Variants in WWTR1 observed in about 807,000 individuals in gnomAD.
WWTR1 encodes the protein WW domain containing transcription regulator 1.
In WWTR1, 13 loss-of-function variants were observed where a neutral mutation model predicts 40.1. The ratio of observed to expected loss-of-function variants is 0.32; its 90% CI spans 0.21 to 0.52. WWTR1 has a LOEUF of 0.52. Among genes scored for constraint, WWTR1 ranks in the 20% least tolerant of loss-of-function variants. WWTR1 has a pLI of 0.97. For synonymous variants in WWTR1, 230 were observed against 210.1 expected, an observed-to-expected ratio of 1.09 and a Z score of -0.82; for missense variants, 436 against 523.1, an observed-to-expected ratio of 0.83 and a Z score of 1.63.
At chr3:149,542,792 A>G (rs1344262192) in intron 3 of WWTR1, among the ~76,000 whole-genome samples, 1 of 152,146 alleles carries the variant, frequency 6.6e-6, no homozygotes, top group East Asian at 1.9e-4. Flanking sequence ...CTCCCTGTCT[A>G]GAGTACATTT....
chr3:149,609,915 T>A (rs945854149), intron 2 of WWTR1, among the ~76,000 whole-genome samples: 6 of 152,218 alleles, frequency 3.9e-5, no homozygotes, highest in African/African-American at 1.4e-4. Context: ...CTCCTCTGCC[T>A]CACGTCCAGT....
intron 2 of WWTR1, among the ~76,000 whole-genome samples, chr3:149,596,274 T>C (rs1349068180): frequency 6.6e-6 from 1 of 152,204 alleles, no homozygotes; most frequent in Non-Finnish European, 1.5e-5. Flanking sequence ...AGACAAGCCA[T>C]CATATTCCTG....
chr3:149,626,510 TAA>T lies in WWTR1; in HGVS notation c.431+30364_431+30365del, dbSNP rs201199010. On this transcript the variant is annotated intron_variant, in intron 2 of 6. Transcript: ENST00000360632. ...AAGTATATACATATTCTATAGTATG[TAA>T]AAAAAAAAAAAATGGCCAGAACTGA... Among the ~76,000 whole-genome samples, 89 of 140,854 alleles carry T rather than the reference TAA, an allele frequency of 6.3e-4. 1 individual carries two copies. Among genetic ancestry groups the T allele is most frequent in the African/African-American group, 1.9e-3 (74 of 38,494 alleles). 92.4% of individuals were successfully genotyped at this position (140,854 alleles called of 152,430 possible). A position where few individuals can be genotyped will look rare whatever the true frequency, so the allele number is the denominator to read the frequency against.
intron 3 of WWTR1, among the ~76,000 whole-genome samples, chr3:149,556,340 G>C (rs1736823031): frequency 6.6e-6 from 1 of 152,202 alleles, no homozygotes; most frequent in Non-Finnish European, 1.5e-5. Flanking sequence ...CAGCACTTTG[G>C]GAGGCCGAGG....
In WWTR1 at chr3:149,520,874, G is replaced by T; in HGVS notation, c.1134C>A (p.Asp378Glu). 6.2e-7 allele frequency: 1 copy of T among 1,613,616 alleles called. No individual in the cohort carries two copies. The highest frequency in any genetic ancestry group is 8.5e-7 in the Non-Finnish European group (1 of 1,179,834). ...NVDLGTLESE[D>E]LIPLFNDVES... Reference sequence around the variant, plus strand: ...CTACATCATTGAAGAGGGGGATCAGGTCTTCAGATTCCAAAGTTCCTAAGT... The same window carrying T: ...CTACATCATTGAAGAGGGGGATCAGTTCTTCAGATTCCAAAGTTCCTAAGT... Residue 378 changes from aspartate (D) to glutamate (E), a missense_variant, in exon 7 of 7, where the codon GAC becomes GAA. Coordinates refer to ENST00000360632, the MANE Select transcript of WWTR1 (RefSeq NM_015472.6).
chr3:149,607,347 C>T (rs1164930968), intron 2 of WWTR1, among the ~76,000 whole-genome samples: 1 of 152,172 alleles, frequency 6.6e-6, no homozygotes, highest in Admixed American at 6.5e-5. Flanking sequence ...CAGAGTTTCA[C>T]TCTGTTGCCC....
chr3:149,547,114 A>C (rs1444461820), intron 3 of WWTR1, among the ~76,000 whole-genome samples: 2 of 152,108 alleles, frequency 1.3e-5, no homozygotes. Flanking sequence ...GAAAAAGAGA[A>C]ACAAAGTCCT....
intron 4 of WWTR1, among the ~76,000 whole-genome samples, chr3:149,537,036 T>C (rs936724727): frequency 6.6e-6 from 1 of 152,226 alleles, no homozygotes; most frequent in African/African-American, 2.4e-5. Flanking sequence ...TTCTTTTAGA[T>C]AAACAGGCAT....
intron 1 of WWTR1, among the ~76,000 whole-genome samples, chr3:149,684,650 A>G (rs543143800): frequency 1.4e-4 from 21 of 151,838 alleles, no homozygotes; most frequent in African/African-American, 5.1e-4. Context: ...TGCAGGCCCA[A>G]CCTCCTGGGG....
intron 2 of WWTR1, among the ~76,000 whole-genome samples, chr3:149,602,451 A>G (rs1198163873): frequency 1.3e-5 from 2 of 152,200 alleles, no homozygotes; most frequent in Non-Finnish European, 2.9e-5. Context: ...CAACCCTGAA[A>G]TTCCAGCAGT....
intron 1 of WWTR1, among the ~76,000 whole-genome samples, chr3:149,673,765 C>T (rs1242314227): frequency 6.6e-6 from 1 of 152,082 alleles, no homozygotes; most frequent in Non-Finnish European, 1.5e-5. Context: ...TTGACAATAA[C>T]CAGAGAGGCC....
intron 2 of WWTR1, among the ~76,000 whole-genome samples, chr3:149,645,076 T>C (rs560060511): frequency 2.7e-5 from 4 of 148,054 alleles, no homozygotes; most frequent in Admixed American, 2.7e-4. Flanking sequence ...TGCTCTTTTA[T>C]TTTATTTATT....
chr3:149,522,629 G>A (rs990246160), intron 6 of WWTR1, among the ~76,000 whole-genome samples: 1 of 152,010 alleles, frequency 6.6e-6, no homozygotes, highest in Non-Finnish European at 1.5e-5. Flanking sequence ...CTAATGTGCT[G>A]GATGCCTTTT....
intron 2 of WWTR1, among the ~76,000 whole-genome samples, chr3:149,584,251 A>G (rs1398352996): frequency 6.6e-6 from 1 of 152,222 alleles, no homozygotes; most frequent in East Asian, 1.9e-4. Context: ...ACTCATCCCA[A>G]AAAAGAAGGC....
intron 6 of WWTR1, 153 bp downstream of exon 6, chr3:149,525,860 T>C (rs1281226323): frequency 6.8e-6 from 3 of 443,428 alleles, no homozygotes; most frequent in Non-Finnish European, 1.2e-5. Flanking sequence ...CGGCATCACA[T>C]AACCATGTAG....
intron 2 of WWTR1, among the ~76,000 whole-genome samples, chr3:149,643,412 A>C (rs1330619036): frequency 6.6e-6 from 1 of 152,182 alleles, no homozygotes; most frequent in Non-Finnish European, 1.5e-5. Flanking sequence ...CCAAGCTAGG[A>C]TTGCAGACTG....
intron 1 of WWTR1, among the ~76,000 whole-genome samples, chr3:149,689,145 G>A (rs1228756007): frequency 6.6e-6 from 1 of 152,066 alleles, no homozygotes; most frequent in Non-Finnish European, 1.5e-5. Flanking sequence ...TCTTTGAGAG[G>A]CTGAGGTGGG....
At chr3:149,699,242 A>G (rs1377268531) in intron 1 of WWTR1, among the ~76,000 whole-genome samples, 1 of 151,078 alleles carries the variant, frequency 6.6e-6, no homozygotes, top group Non-Finnish European at 1.5e-5. Context: ...CACATCTTGA[A>G]TGCTTTGTTG....
intron 2 of WWTR1, among the ~76,000 whole-genome samples, chr3:149,664,565 GATA>G (rs1167028177): frequency 1.3e-5 from 2 of 151,372 alleles, no homozygotes; most frequent in Non-Finnish European, 2.9e-5. Context: ...TAATTTTGAT[GATA>G]ATGATGATGG....
Sources: gnomAD v4.1 joint callset for allele counts (sites outside exome capture counted in the v4.1 genomes callset) on GRCh38, gnomAD v4.1.1 for gene constraint, MANE v1.5 for transcripts, NCBI Gene and HGNC (gene_info 2026-07-23, HGNC 2026-07-21) for gene names.